Variants in PPAT observed in about 807,000 individuals in gnomAD.
PPAT encodes phosphoribosyl pyrophosphate amidotransferase.
In PPAT, 20 loss-of-function variants were observed where a neutral mutation model predicts 60.2. That is an observed-to-expected ratio of 0.33 (90% CI 0.23 to 0.48). The LOEUF is 0.48. Ranked by LOEUF, PPAT falls within the 20% of genes least tolerant of loss-of-function variation. The probability of loss-of-function intolerance (pLI) is 0.99; values close to 1 mark genes in which losing one functional copy is unlikely to be tolerated. For missense variants in PPAT, 349 were observed against 629.6 expected (o/e 0.55, Z 4.77); for synonymous variants, 194 against 215.1 (o/e 0.90, Z 0.86).
intron 1 of PPAT, 29 bp downstream of exon 1, chr4:56,435,321 G>A: frequency 6.2e-7 from 1 of 1,611,082 alleles, no homozygotes; most frequent in South Asian, 1.1e-5. Context: ...GGAGACGCAC[G>A]CCCCCGCCAC....
At chr4:56,433,396 T>C (rs114930404) in intron 1 of PPAT, among the ~76,000 whole-genome samples, 2,205 of 93,570 alleles carry the variant, frequency 0.024, 58 homozygotes, top group African/African-American at 0.08. Context: ...ATGGTATTCA[T>C]TAAAAAAAAA....
chr4:56,399,066 AAAGTT>A (rs1232562991), intron 9 of PPAT, 108 bp downstream of exon 9: 5 of 900,526 alleles, frequency 5.6e-6, no homozygotes, highest in Non-Finnish European at 8.5e-6. Flanking sequence ...ACTGATAAAA[AAAGTT>A]AATTTATTAT....
At chr4:56,414,117 T>C (rs148226526) in intron 1 of PPAT, 1 of 152,260 alleles carries the variant, frequency 6.6e-6, no homozygotes, top group Non-Finnish European at 1.5e-5. Context: ...ATCTGCAGAA[T>C]CCAAAAATTT....
chr4:56,406,170 A>T (rs1293227799), intron 3 of PPAT, among the ~76,000 whole-genome samples: 1 of 152,240 alleles, frequency 6.6e-6, no homozygotes, highest in Non-Finnish European at 1.5e-5. Context: ...TGAACATAGC[A>T]ACAGAGTTAA....
At position 56,400,671 on chromosome 4, in the gene PPAT, C is replaced by T. The variant is rs916384615; in HGVS notation, c.1014+113G>A. 255 of 1,178,062 alleles carry T rather than the reference C, an allele frequency of 2.2e-4. 1 individual carries two copies. The Middle Eastern group carries it at 4.2e-3, about 19-fold the overall frequency. The allele number at this position is 1,178,062 out of a possible 1,614,324, so 73.0% of individuals were successfully genotyped here. On this transcript the variant is annotated intron_variant, in intron 8 of 10. Coordinates refer to ENST00000264220, the MANE Select transcript of PPAT (RefSeq NM_002703.5). ...CGCTTGTAAACAAACCAACATTAAC[C>T]ACCAAAGCTTCCTTTCTCCTTAGAA...
chr4:56,412,422 A>G (rs1006298049), intron 1 of PPAT, among the ~76,000 whole-genome samples: 7 of 151,364 alleles, frequency 4.6e-5, no homozygotes, highest in Non-Finnish European at 1.0e-4. Context: ...GATCCTCCCA[A>G]CTCAGCCTCC....
intron 1 of PPAT, among the ~76,000 whole-genome samples, chr4:56,429,808 C>G (rs760342611): frequency 6.6e-6 from 1 of 152,226 alleles, no homozygotes; most frequent in Non-Finnish European, 1.5e-5. Flanking sequence ...CCCCCATAAA[C>G]ATTATCACTA....
At position 56,407,808 on chromosome 4, in the gene PPAT, A is replaced by G. The variant is rs1716285434; in HGVS notation, c.129-92T>C. 9 of 994,604 alleles carry G rather than the reference A, an allele frequency of 9.0e-6. No individual in the cohort carries two copies. In the Admixed American group the frequency reaches 1.4e-4, roughly 15 times the overall value. The allele number at this position is 994,604 out of a possible 1,614,324, so 61.6% of individuals were successfully genotyped here. On this transcript the variant is annotated intron_variant, in intron 1 of 10. Transcript: ENST00000264220. ...AAGCATACTTTCTCAACAAGCATCC[A>G]TGAACTTAGTGTGACAACACATTAA...
chr4:56,407,371 T>G (rs999499211), intron 2 of PPAT, among the ~76,000 whole-genome samples: 2 of 151,466 alleles, frequency 1.3e-5, no homozygotes, highest in Non-Finnish European at 2.9e-5. Flanking sequence ...CAGGCTGGAG[T>G]ACAATGGCGC....
intron 3 of PPAT, among the ~76,000 whole-genome samples, chr4:56,404,929 A>C (rs1716206608): frequency 6.6e-6 from 1 of 152,150 alleles, no homozygotes; most frequent in South Asian, 2.1e-4. Context: ...GAATGCTTAT[A>C]GGATGGGGTG....
At chr4:56,434,325 C>G (rs370997994) in intron 1 of PPAT, among the ~76,000 whole-genome samples, 59 of 152,298 alleles carry the variant, frequency 3.9e-4, no homozygotes, top group African/African-American at 1.4e-3. Flanking sequence ...TGCGTTTATA[C>G]GTGTTGCACC....
At chr4:56,413,898 A>AAAATAAATAAATT (rs1489479260) in intron 1 of PPAT, among the ~76,000 whole-genome samples, 4 of 152,212 alleles carry the variant, frequency 2.6e-5, no homozygotes, top group African/African-American at 9.6e-5. Context: ...ACTCTATCTC[A>AAAATAAATAAATT]AAATAAATAA....
At chr4:56,416,864 T>A (rs899030728) in intron 1 of PPAT, among the ~76,000 whole-genome samples, 2 of 152,164 alleles carry the variant, frequency 1.3e-5, no homozygotes, top group African/African-American at 2.4e-5. Context: ...TCTATTTTTC[T>A]TTTCTTTTCT....
chr4:56,414,747 G>A (rs1716634417), intron 1 of PPAT, among the ~76,000 whole-genome samples: 1 of 152,138 alleles, frequency 6.6e-6, no homozygotes, highest in Non-Finnish European at 1.5e-5. Flanking sequence ...TAGAAACCCT[G>A]CCTTTATTTA....
intron 1 of PPAT, among the ~76,000 whole-genome samples, chr4:56,428,593 T>C (rs1302049249): frequency 1.3e-5 from 2 of 152,136 alleles, no homozygotes; most frequent in Non-Finnish European, 2.9e-5. Flanking sequence ...CTCTCAGAAC[T>C]GCCAAATGGA....
chr4:56,397,689 CAATA>C (rs1214110609), intron 9 of PPAT, among the ~76,000 whole-genome samples: 118 of 151,948 alleles, frequency 7.8e-4, no homozygotes, highest in East Asian at 2.1e-3. Context: ...AACATGTACA[CAATA>C]AATATATACA....
chr4:56,435,297 C>T (rs1310957615), intron 1 of PPAT, 53 bp downstream of exon 1: 4 of 1,605,436 alleles, frequency 2.5e-6, no homozygotes, highest in African/African-American at 1.3e-5. Flanking sequence ...CTGCGGGAAG[C>T]GGCTCCGAGA....
intron 1 of PPAT, chr4:56,423,607 C>T (rs1469008449): frequency 6.6e-6 from 1 of 151,760 alleles, no homozygotes; most frequent in Non-Finnish European, 1.5e-5. Flanking sequence ...TTAAGTACAA[C>T]CTCAAGATAA....
intron 1 of PPAT, among the ~76,000 whole-genome samples, chr4:56,416,919 A>G (rs888640792): frequency 6.6e-5 from 10 of 152,118 alleles, no homozygotes; most frequent in African/African-American, 2.4e-4. Context: ...TCATGATCCC[A>G]GCTCACTGTA....
Sources: gnomAD v4.1 joint callset for allele counts (sites outside exome capture counted in the v4.1 genomes callset) on GRCh38, gnomAD v4.1.1 for gene constraint, MANE v1.5 for transcripts, NCBI Gene and HGNC (gene_info 2026-07-23, HGNC 2026-07-21) for gene names.